Variants in RSPO2 observed in about 807,000 individuals in gnomAD.
RSPO2 encodes the protein R-spondin-2.
In RSPO2, 14 loss-of-function variants were observed where a neutral mutation model predicts 30.9. The ratio of observed to expected loss-of-function variants is 0.45; its 90% confidence interval spans 0.30 to 0.71. RSPO2 has a LOEUF of 0.71. Ranked by LOEUF, RSPO2 falls within the 30% of genes least tolerant of loss-of-function variation. The pLI, the probability that RSPO2 is intolerant of heterozygous loss-of-function variation, is 0.08. For missense variants in RSPO2, 264 were observed against 301.9 expected, an observed-to-expected ratio of 0.87 and a Z score of 0.93; for synonymous variants, 107 against 96.4, an observed-to-expected ratio of 1.11 and a Z score of -0.64.
At chr8:108,006,317 A>G (rs1475750811) in intron 2 of RSPO2, among the ~76,000 whole-genome samples, 3 of 152,120 alleles carry the variant, frequency 2.0e-5, no homozygotes, top group Non-Finnish European at 4.4e-5. Context: ...GGAAAAAATA[A>G]TATCAAAAGA....
chr8:108,064,534 A>C (rs1812594616), intron 2 of RSPO2, among the ~76,000 whole-genome samples: 1 of 152,222 alleles, frequency 6.6e-6, no homozygotes, highest in African/African-American at 2.4e-5. Context: ...CAGGTGCTGG[A>C]GAGGATGTGG....
chr8:108,049,771 T>C (rs555560694), intron 2 of RSPO2, among the ~76,000 whole-genome samples: 2 of 152,300 alleles, frequency 1.3e-5, no homozygotes, highest in African/African-American at 4.8e-5. Flanking sequence ...CCATGGTGTA[T>C]ATGTGCCACA....
At chr8:108,072,386 T>G (rs1330433489) in intron 2 of RSPO2, among the ~76,000 whole-genome samples, 1 of 135,796 alleles carries the variant, frequency 7.4e-6, no homozygotes, top group African/African-American at 2.8e-5. Flanking sequence ...AGTGCAGTGG[T>G]GCGATCTCGG....
intron 5 of RSPO2, among the ~76,000 whole-genome samples, chr8:107,938,430 G>A (rs1812787044): frequency 1.3e-5 from 2 of 151,908 alleles, no homozygotes; most frequent in South Asian, 4.2e-4. Flanking sequence ...CATTCTCTCT[G>A]CTCACAACAC....
At chr8:107,945,241 C>CTTTTTTTT (rs754722790) in intron 5 of RSPO2, among the ~76,000 whole-genome samples, 27 of 74,830 alleles carry the variant, frequency 3.6e-4, no homozygotes, top group South Asian at 6.8e-4. Flanking sequence ...ATTCTTTTAC[C>CTTTTTTTT]TTTTTTTTTT....
intron 2 of RSPO2, among the ~76,000 whole-genome samples, chr8:107,994,929 C>A (rs1464315643): frequency 6.6e-6 from 1 of 151,670 alleles, no homozygotes; most frequent in Admixed American, 6.6e-5. Context: ...ATATTTATAG[C>A]AACTTGCAGC....
intron 2 of RSPO2, among the ~76,000 whole-genome samples, chr8:107,995,564 C>T (rs1000023825): frequency 3.3e-5 from 5 of 152,112 alleles, no homozygotes; most frequent in Admixed American, 6.6e-5. Context: ...TTATCACCAT[C>T]CTCTGCTGAA....
chr8:107,948,866 A>AAAAAT (rs1554575499), intron 5 of RSPO2, among the ~76,000 whole-genome samples: 15 of 145,888 alleles, frequency 1.0e-4, no homozygotes, highest in South Asian at 8.8e-4. Flanking sequence ...TCTCAAAAAA[A>AAAAAT]AAATAAATAA....
intron 2 of RSPO2, among the ~76,000 whole-genome samples, chr8:108,036,705 T>C (rs1410820980): frequency 6.6e-6 from 1 of 152,246 alleles, no homozygotes; most frequent in Non-Finnish European, 1.5e-5. Flanking sequence ...AGGAAGGTTG[T>C]TGTTTTATAT....
chr8:108,012,200 C>T (rs980926360), intron 2 of RSPO2, among the ~76,000 whole-genome samples: 12 of 152,126 alleles, frequency 7.9e-5, no homozygotes, highest in Non-Finnish European at 1.2e-4. Flanking sequence ...GTTTTTTAAA[C>T]TACAGCACTA....
chr8:107,950,084 T>G (rs1813192728), intron 5 of RSPO2, among the ~76,000 whole-genome samples: 1 of 152,214 alleles, frequency 6.6e-6, no homozygotes, highest in East Asian at 1.9e-4. Context: ...GCCTCCCTAC[T>G]GAGCTTTTTT....
rs1177421258 is a variant in RSPO2, at chr8:107,901,020, C to T, written c.*55G>A. ...ACCAGTGTGCAGGAGTGGAGAGTAG[C>T]TTTGTGCACATTTGCAAAAACAAAA... On this transcript the variant is annotated 3_prime_UTR_variant, in exon 6 of 6. Coordinates refer to ENST00000276659, the MANE Select transcript of RSPO2 (RefSeq NM_178565.5). 53 of 1,592,224 alleles carry T rather than the reference C, an allele frequency of 3.3e-5. No homozygotes were observed. The highest frequency in any genetic ancestry group is 4.5e-5 in the Non-Finnish European group (53 of 1,165,254).
In RSPO2 at chr8:107,901,051, T is replaced by G; in HGVS notation, c.*24A>C. 6.2e-7 allele frequency: 1 copy of G among 1,609,784 alleles called. No homozygotes were observed. Among genetic ancestry groups the G allele is most frequent in the Non-Finnish European group, 8.5e-7 (1 of 1,178,952 alleles). ...GCACATTTGCAAAAACAAAAACCCC[T>G]AAAAATCTACCGGATCTCTTGTTTT... On this transcript the variant is annotated 3_prime_UTR_variant, in exon 6 of 6. Transcript: ENST00000276659.
intron 2 of RSPO2, among the ~76,000 whole-genome samples, chr8:108,041,563 G>A (rs1163804332): frequency 1.3e-5 from 2 of 152,132 alleles, no homozygotes; most frequent in African/African-American, 4.8e-5. Context: ...AAGACAGTGG[G>A]TTATGCCAAC....
intron 2 of RSPO2, among the ~76,000 whole-genome samples, chr8:108,027,880 T>C (rs1478103652): frequency 6.6e-6 from 1 of 152,152 alleles, no homozygotes; most frequent in African/African-American, 2.4e-5. Context: ...TCAAAAACCT[T>C]CAGTAGTTCC....
chr8:107,918,828 T>A (rs1812062359), intron 5 of RSPO2, among the ~76,000 whole-genome samples: 1 of 152,242 alleles, frequency 6.6e-6, no homozygotes, highest in East Asian at 1.9e-4. Flanking sequence ...TTGTTTTTAA[T>A]AGAAAATGGG....
intron 5 of RSPO2, among the ~76,000 whole-genome samples, chr8:107,955,495 T>C (rs1301943761): frequency 1.3e-5 from 2 of 152,112 alleles, no homozygotes; most frequent in Non-Finnish European, 2.9e-5. Context: ...AAAGGAAAAG[T>C]TTGGGAATGA....
At chr8:107,949,171 C>G (rs1413773703) in intron 5 of RSPO2, among the ~76,000 whole-genome samples, 1 of 152,068 alleles carries the variant, frequency 6.6e-6, no homozygotes, top group African/African-American at 2.4e-5. Flanking sequence ...CCCCTTCCCC[C>G]CAAGTCCCCA....
chr8:108,066,599 G>T (rs62537974), intron 2 of RSPO2, among the ~76,000 whole-genome samples: 1 of 151,966 alleles, frequency 6.6e-6, no homozygotes, highest in East Asian at 1.9e-4. Context: ...AGCTAAACAC[G>T]TATCAACTCT....
Sources: allele counts gnomAD v4.1 joint callset (sites outside exome capture counted in the v4.1 genomes callset), GRCh38; gene constraint gnomAD v4.1.1; transcripts MANE v1.5; gene names NCBI Gene and HGNC (gene_info 2026-07-23, HGNC 2026-07-21).